ATP7B: variants seen among roughly 807,000 people sequenced by gnomAD.
ATP7B encodes ATPase copper transporting beta.
ATP7B carries 113 observed loss-of-function variants against 118.9 expected under a neutral mutation model. That is an observed-to-expected ratio of 0.95 (90% CI 0.82 to 1.11). The LOEUF is 1.11. Among genes scored for constraint, ATP7B ranks in the 50% most tolerant of loss-of-function variants. The pLI is 0.00. For synonymous variants in ATP7B, 777 were observed against 727.4 expected, an observed-to-expected ratio of 1.07 and a Z score of -1.10; for missense variants, 1,867 against 1,871.4, an observed-to-expected ratio of 1.00 and a Z score of 0.04.
intron 5 of ATP7B, among the ~76,000 whole-genome samples, chr13:51,962,543 G>A (rs1463704206): frequency 6.6e-6 from 1 of 152,246 alleles, no homozygotes; most frequent in Non-Finnish European, 1.5e-5. Context: ...GCACAATTAA[G>A]AGAAGGGCCC....
Position 51,974,654 on chromosome 13 carries a change from G to C in ATP7B, c.566C>G (p.Pro189Arg). ...GAGGTCTTCGGGCTGAATGAGATAA[G>C]GCTGATAAGTGATGACGGCCTCTTG... ...SNQEAVITYQPYLIQPEDLRD... is the reference protein window; with the variant it reads ...SNQEAVITYQRYLIQPEDLRD... The change falls in exon 2 of 21, where the codon CCT becomes CGT. Residue 189 changes from proline (P) to arginine (R), a missense_variant. Pro to Arg is a moderately radical substitution (Grantham distance 103). Transcript: ENST00000242839. The C allele has an allele frequency of 6.2e-7, 1 of 1,611,486 alleles. No homozygotes were observed.
intron 1 of ATP7B, among the ~76,000 whole-genome samples, chr13:51,981,666 C>T (rs147925136): frequency 4.6e-5 from 7 of 152,086 alleles, no homozygotes; most frequent in South Asian, 2.1e-4. Flanking sequence ...AAAACCCCCA[C>T]TGAGGAAGAA....
chr13:51,950,795 G>A (rs1001082593), intron 9 of ATP7B, among the ~76,000 whole-genome samples: 9 of 152,132 alleles, frequency 5.9e-5, no homozygotes, highest in Admixed American at 2.0e-4. Context: ...TAACATTTAA[G>A]CTGAGACCTG....
upstream of ATP7B, chr13:52,011,462 G>GGCGCA (rs1322135702): frequency 7.8e-7 from 1 of 1,277,042 alleles, no homozygotes; most frequent in Non-Finnish European, 1.1e-6. Context: ...GCATCGGCGC[G>GGCGCA]GCTCGGCTCT....
intron 1 of ATP7B, 85 bp from the exon 2 acceptor site, chr13:51,975,253 G>A: frequency 6.6e-7 from 1 of 1,526,254 alleles, no homozygotes; most frequent in South Asian, 1.1e-5. Context: ...TGAGAAAATG[G>A]AAAACAATGC....
intron 17 of ATP7B, among the ~76,000 whole-genome samples, chr13:51,938,397 A>G (rs533361988): frequency 1.3e-5 from 2 of 152,338 alleles, no homozygotes; most frequent in South Asian, 4.1e-4. Context: ...TGCCTGCTGA[A>G]TAGATGAACA....
chr13:51,934,434 A>G lies in ATP7B; in HGVS notation c.*322T>C, dbSNP rs900258302. 7.0e-5 allele frequency: 29 copies of G among 411,480 alleles called. No individual in the cohort carries two copies. Among genetic ancestry groups the G allele is most frequent in the African/African-American group, 5.7e-4 (28 of 49,254 alleles). 25.5% of individuals were successfully genotyped at this position (411,480 alleles called of 1,614,324 possible). On this transcript the variant is annotated 3_prime_UTR_variant, in exon 21 of 21. Transcript: ENST00000242839. ...AACTGTTCTCCATTTCACAGCAGTC[A>G]TCCTAAATACTCCAAGCAGAGGTCT...
chr13:51,970,382 C>T (rs1951779532), intron 3 of ATP7B, 110 bp downstream of exon 3: 5 of 1,485,954 alleles, frequency 3.4e-6, no homozygotes, highest in Non-Finnish European at 3.7e-6. Flanking sequence ...AATGAACTTG[C>T]TACCTGGTTA....
In ATP7B at chr13:51,960,202, A is replaced by G. The variant is rs1274947728; in HGVS notation, c.2067T>C (p.Ile689=). 12 of 1,613,836 alleles carry G rather than the reference A, an allele frequency of 7.4e-6. No homozygotes were observed. Among genetic ancestry groups the G allele is most frequent in the Non-Finnish European group, 9.3e-6 (11 of 1,179,832 alleles). Residue 689 remains isoleucine (I), a synonymous_variant, in exon 7 of 21, where the codon ATT becomes ATC. Transcript: ENST00000242839. Reference sequence around the variant, plus strand: ...TGAGATTTAGAATGGACAGTCCTGGAATGATGTTGTGGTCCAGGACCATGG... The same window carrying G: ...TGAGATTTAGAATGGACAGTCCTGGGATGATGTTGTGGTCCAGGACCATGG... The part of the protein sequence containing the change: ...HQSMVLDHNI[I]PGLSILNLIF...
intron 2 of ATP7B, among the ~76,000 whole-genome samples, chr13:51,971,182 C>A (rs996465171): frequency 6.6e-6 from 1 of 152,196 alleles, no homozygotes; most frequent in Non-Finnish European, 1.5e-5. Context: ...TACAAACTGG[C>A]ACACTAATGG....
upstream of ATP7B, chr13:52,012,126 G>C (rs1203314287): frequency 2.5e-5 from 14 of 558,122 alleles, no homozygotes; most frequent in South Asian, 1.0e-4. Flanking sequence ...GGCTTCTAGT[G>C]GGGGAGGTGG....
At chr13:51,958,743 A>T in intron 7 of ATP7B, 199 bp from the exon 8 acceptor site, 1 of 614,308 alleles carries the variant, frequency 1.6e-6, no homozygotes, top group Non-Finnish European at 2.9e-6. Context: ...GATGACCAAG[A>T]GCATGTGAGA....
At chr13:51,948,952 G>A (rs1180787348) in intron 12 of ATP7B, among the ~76,000 whole-genome samples, 12 of 152,182 alleles carry the variant, frequency 7.9e-5, no homozygotes, top group Non-Finnish European at 2.9e-5. Context: ...GGCCGAGACA[G>A]GCAGATCACC....
At chr13:51,999,035 G>A (rs1186200357) in intron 1 of ATP7B, among the ~76,000 whole-genome samples, 1 of 152,184 alleles carries the variant, frequency 6.6e-6, no homozygotes, top group African/African-American at 2.4e-5. Flanking sequence ...GAGAACATGA[G>A]CACTGCAAAC....
At chr13:51,938,381 C>T (rs774287565) in intron 17 of ATP7B, among the ~76,000 whole-genome samples, 2 of 152,196 alleles carry the variant, frequency 1.3e-5, no homozygotes, top group Non-Finnish European at 2.9e-5. Flanking sequence ...CGTGGTGCTT[C>T]GTAAGTGCCT....
Position 52,005,444 on chromosome 13 carries a change from G to A in ATP7B, c.51+5843C>T, listed in dbSNP as rs138465310. Among the ~76,000 whole-genome samples, 1,097 of 152,214 alleles carry A rather than the reference G, an allele frequency of 7.2e-3. 20 individuals are homozygous for A. Among genetic ancestry groups the A allele is most frequent in the African/African-American group, 0.026 (1,061 of 41,528 alleles). On this transcript the variant is annotated intron_variant, in intron 1 of 20. Coordinates refer to ENST00000242839, the MANE Select transcript of ATP7B (RefSeq NM_000053.4). ...TAGGGCACAGACACAACTGACCCAC[G>A]TTCTCTGCCATTTTATAAATAAAAA...
rs1956830032 is a variant in ATP7B, at chr13:51,934,080, A to G, written c.*676T>C. On this transcript the variant is annotated 3_prime_UTR_variant, in exon 21 of 21. Coordinates refer to ENST00000242839, the MANE Select transcript of ATP7B (RefSeq NM_000053.4). ...CTCCCTGGCTGGGGATGTGTGAGCCAGGAAGCAGGTTCAAGCTGAAATGCA... is the reference window on the plus strand; with the variant it reads ...CTCCCTGGCTGGGGATGTGTGAGCCGGGAAGCAGGTTCAAGCTGAAATGCA... 6.5e-6 allele frequency: 1 copy of G among 154,024 alleles called. No individual in the cohort carries two copies. Among genetic ancestry groups the G allele is most frequent in the Non-Finnish European group, 1.4e-5 (1 of 69,190 alleles). 9.5% of individuals were successfully genotyped at this position (154,024 alleles called of 1,614,324 possible).
chr13:51,995,854 A>G (rs1345905965), intron 1 of ATP7B, among the ~76,000 whole-genome samples: 1 of 152,182 alleles, frequency 6.6e-6, no homozygotes, highest in Non-Finnish European at 1.5e-5. Context: ...CTTTGCACAC[A>G]GCCCATGCAC....
intron 2 of ATP7B, 22 bp from the exon 3 acceptor site, chr13:51,970,771 T>C (rs1197826138): frequency 3.7e-6 from 6 of 1,611,318 alleles, no homozygotes; most frequent in Non-Finnish European, 5.1e-6. Flanking sequence ...TGTCAGAAAA[T>C]ATTCAAATTA....
Sources: gnomAD v4.1 joint callset for allele counts (sites outside exome capture counted in the v4.1 genomes callset) on GRCh38, gnomAD v4.1.1 for gene constraint, MANE v1.5 for transcripts, NCBI Gene and HGNC (gene_info 2026-07-23, HGNC 2026-07-21) for gene names.